ACLY: variants seen among roughly 807,000 people sequenced by gnomAD.
The protein encoded by ACLY is ATP-citrate synthase.
In ACLY, 41 loss-of-function variants were observed where a neutral mutation model predicts 133.0. The observed-to-expected ratio is 0.31, with a 90% CI of 0.24 to 0.40. The LOEUF (loss-of-function observed/expected upper bound fraction) is 0.40. Ranked by LOEUF, ACLY falls within the 10% of genes least tolerant of loss-of-function variation. ACLY has a pLI of 1.00. For missense variants in ACLY, 1,046 were observed against 1,453.8 expected, an observed-to-expected ratio of 0.72 and a Z score of 4.56; for synonymous variants, 495 against 549.3, an observed-to-expected ratio of 0.90 and a Z score of 1.38.
At chr17:41,868,550 T>C (rs2048520565) in intron 28 of ACLY, among the ~76,000 whole-genome samples, 159 bp downstream of exon 28, 1 of 142,848 alleles carries the variant, frequency 7.0e-6, no homozygotes, top group Non-Finnish European at 1.5e-5. Context: ...GAACAATGAT[T>C]AAGAGGATAT....
chr17:41,909,375 G>T, intron 5 of ACLY, 135 bp downstream of exon 5: 1 of 954,960 alleles, frequency 1.0e-6, no homozygotes, highest in Non-Finnish European at 1.6e-6. Context: ...GCACCCAGCT[G>T]TCTTCCTCAG....
At chr17:41,890,411 G>A (rs1009432595) in intron 16 of ACLY, among the ~76,000 whole-genome samples, 26 of 151,780 alleles carry the variant, frequency 1.7e-4, no homozygotes, top group African/African-American at 2.7e-4. Context: ...TTTGCCGGGC[G>A]CGGTGGCTCA....
chr17:41,924,001 A>T (rs1432177755), upstream of ACLY, among the ~76,000 whole-genome samples: 1 of 151,920 alleles, frequency 6.6e-6, no homozygotes, highest in South Asian at 2.1e-4. Flanking sequence ...AGTAGAAATG[A>T]GGTTTCGCCA....
intron 10 of ACLY, 128 bp from the exon 11 acceptor site, chr17:41,901,941 T>C (rs1598022374): frequency 1.4e-6 from 1 of 715,808 alleles, no homozygotes; most frequent in South Asian, 1.9e-5. Flanking sequence ...GGACTACGCA[T>C]AAGCAGCCAC....
intron 19 of ACLY, 149 bp from the exon 20 acceptor site, chr17:41,883,381 A>G: frequency 1.6e-6 from 1 of 626,994 alleles, no homozygotes; most frequent in South Asian, 2.0e-5. Flanking sequence ...TAAAGGAACA[A>G]ACAGCAGGTC....
chr17:41,927,438 G>C (rs2050256895), intron 1 of ACLY, among the ~76,000 whole-genome samples: 1 of 152,042 alleles, frequency 6.6e-6, no homozygotes, highest in South Asian at 2.1e-4. Flanking sequence ...TGCCCGCCTG[G>C]GCCTCCCAAA....
intron 11 of ACLY, among the ~76,000 whole-genome samples, chr17:41,900,228 T>G (rs1253996296): frequency 6.6e-6 from 1 of 151,580 alleles, no homozygotes; most frequent in Non-Finnish European, 1.5e-5. Context: ...ACAGGTGTGG[T>G]GGCAGATGCC....
At chr17:41,871,869 AAG>A (rs1555625125) in intron 24 of ACLY, 37 bp from the exon 25 acceptor site, 10 of 1,611,344 alleles carry the variant, frequency 6.2e-6, no homozygotes, top group Non-Finnish European at 5.9e-6. Flanking sequence ...CTTGAGCTTT[AAG>A]AGTTTCCTTC....
Position 41,909,025 on chromosome 17 carries a change from C to A in ACLY, c.580G>T (p.Asp194Tyr). The change falls in exon 6 of 29, where the codon GAC becomes TAC. Residue 194 changes from aspartate (D) to tyrosine (Y), a missense_variant. By Grantham distance (160) the Asp-to-Tyr change is radical. Coordinates refer to ENST00000352035, the MANE Select transcript of ACLY (RefSeq NM_001096.3). ...ATCTCGAGGTAGGTGAAGTACAAGTCCTCGTAGAAATTGAAGAGGCCGGAG... is the reference window on the plus strand; with the variant it reads ...ATCTCGAGGTAGGTGAAGTACAAGTACTCGTAGAAATTGAAGAGGCCGGAG... ...FISGLFNFYE[D>Y]LYFTYLEINP... is the part of the protein sequence containing the mutation. The A allele has an allele frequency of 6.2e-7, 1 of 1,613,448 alleles. No individual in the cohort carries two copies. Among genetic ancestry groups the A allele is most frequent in the Non-Finnish European group, 8.5e-7 (1 of 1,179,972 alleles).
intron 23 of ACLY, among the ~76,000 whole-genome samples, chr17:41,873,046 T>A (rs1199972861): frequency 6.6e-6 from 1 of 152,172 alleles, no homozygotes. Flanking sequence ...GTGAATCACA[T>A]ACTCACTGGC....
At position 41,884,238 on chromosome 17, in the gene ACLY, G is replaced by C; in HGVS notation, c.2109C>G (p.Arg703=). The C allele has an allele frequency of 6.2e-7, 1 of 1,612,718 alleles. No individual in the cohort carries two copies. The highest frequency in any genetic ancestry group is 2.2e-5 in the East Asian group (1 of 44,880). The change falls in exon 19 of 29, where the codon CGC becomes CGG. Residue 703 remains arginine (R), a synonymous_variant. Transcript: ENST00000352035. ...PGSTFMDHVL[R]YQDTPGVKMI... ...TTTTGACTCCTGGAGTGTCCTGATA[G>C]CGTAACACATGATCCATGAATGTGG...
chr17:41,914,615 C>T (rs1030179242), intron 1 of ACLY, among the ~76,000 whole-genome samples: 4 of 152,182 alleles, frequency 2.6e-5, no homozygotes, highest in Non-Finnish European at 5.9e-5. Context: ...GCAGGGAAAC[C>T]GACCTTTAGC....
chr17:41,875,208 G>C (rs1555625839), intron 22 of ACLY, among the ~76,000 whole-genome samples: 2 of 151,988 alleles, frequency 1.3e-5, no homozygotes, highest in African/African-American at 4.8e-5. Context: ...AAATTAGCTG[G>C]GCGTGGTGGT....
chr17:41,877,774 G>A (rs142012986), intron 22 of ACLY, among the ~76,000 whole-genome samples: 1 of 152,198 alleles, frequency 6.6e-6, no homozygotes, highest in East Asian at 1.9e-4. Flanking sequence ...GACCAGCCTA[G>A]CCTCCCAGCC....
intron 14 of ACLY, 78 bp from the exon 15 acceptor site, chr17:41,893,252 G>A: frequency 6.7e-7 from 1 of 1,497,782 alleles, no homozygotes; most frequent in Non-Finnish European, 9.0e-7. Flanking sequence ...CTGCCTGACA[G>A]ACCCCTCCAC....
Position 41,887,581 on chromosome 17 carries a change from T to C in ACLY, c.1875+18A>G. The C allele has an allele frequency of 6.2e-7, 1 of 1,610,062 alleles. No individual in the cohort carries two copies. Among genetic ancestry groups the C allele is most frequent in the East Asian group, 2.2e-5 (1 of 44,824 alleles). ...AGATAGCATCGAACGTAAAAGGCTTTCCGGAGGGGAAGCTCACAGTGGCAG... is the reference window on the plus strand; with the variant it reads ...AGATAGCATCGAACGTAAAAGGCTTCCCGGAGGGGAAGCTCACAGTGGCAG... On this transcript the variant is annotated intron_variant, in intron 17 of 28. Coordinates refer to ENST00000352035, the MANE Select transcript of ACLY (RefSeq NM_001096.3).
intron 1 of ACLY, among the ~76,000 whole-genome samples, chr17:41,918,020 A>G (rs552000508): frequency 1.1e-4 from 17 of 152,116 alleles, no homozygotes; most frequent in African/African-American, 4.1e-4. Context: ...TCCCAGGAAG[A>G]CCTCCAGGGA....
In ACLY at chr17:41,909,531, T is replaced by C. The variant is rs1555633274; in HGVS notation, c.515A>G (p.His172Arg). 6 of 1,614,126 alleles carry C rather than the reference T, an allele frequency of 3.7e-6. No individual in the cohort carries two copies. The highest frequency in any genetic ancestry group is 5.1e-6 in the Non-Finnish European group (6 of 1,180,008). ...PEDIKKHLLV[H>R]APEDKKEILA... ...CAACTCTTTCTTGTCTTCAGGGGCGTGGACCAACAGGTGTTTTTTGATGTC... is the reference window on the plus strand; with the variant it reads ...CAACTCTTTCTTGTCTTCAGGGGCGCGGACCAACAGGTGTTTTTTGATGTC... The change falls in exon 5 of 29, where the codon CAC becomes CGC. Residue 172 changes from histidine (H) to arginine (R), a missense_variant. By Grantham distance (29) the His-to-Arg change is conservative (BLOSUM62 0). This residue lies in a region of ACLY where 227 missense variants were observed against 245.6 expected (regional missense o/e 0.92). Coordinates refer to ENST00000352035, the MANE Select transcript of ACLY (RefSeq NM_001096.3).
intron 10 of ACLY, among the ~76,000 whole-genome samples, chr17:41,902,124 T>C (rs1390772372): frequency 6.6e-6 from 1 of 152,218 alleles, no homozygotes; most frequent in Non-Finnish European, 1.5e-5. Flanking sequence ...TTGTTTTTGG[T>C]GGGGATATCT....
Sources: gnomAD v4.1 joint callset for allele counts (sites outside exome capture counted in the v4.1 genomes callset) on GRCh38, gnomAD v4.1.1 for gene constraint, gnomAD v4.1.1 regional missense constraint, MANE v1.5 for transcripts, NCBI Gene and HGNC (gene_info 2026-07-23, HGNC 2026-07-21) for gene names.